Variants in LYST observed in about 807,000 individuals in gnomAD.
The protein encoded by LYST is lysosomal trafficking regulator.
A neutral mutation model predicts 413.6 loss-of-function variants in LYST; 192 were observed. The ratio of observed to expected loss-of-function variants is 0.46; its 90% CI spans 0.41 to 0.52. LYST has a LOEUF of 0.52. Ranked by LOEUF, LYST falls within the 20% of genes least tolerant of loss-of-function variation. The pLI is 0.00. For synonymous variants in LYST, 1,525 were observed against 1,567.3 expected, an observed-to-expected ratio of 0.97 and a Z score of 0.64; for missense variants, 3,815 against 4,499.9, an observed-to-expected ratio of 0.85 and a Z score of 4.35.
At position 235,661,066 on chromosome 1, in the gene LYST, T is replaced by C. The variant is rs1207504947; in HGVS notation, c.*1874A>G. 1 of 152,610 alleles carries C rather than the reference T, an allele frequency of 6.6e-6. No homozygotes were observed. Among genetic ancestry groups the C allele is most frequent in the Non-Finnish European group, 1.5e-5 (1 of 68,032 alleles). The allele number at this position is 152,610 out of a possible 1,614,324, so 9.5% of individuals were successfully genotyped here. On this transcript the variant is annotated 3_prime_UTR_variant, in exon 53 of 53. Coordinates refer to ENST00000389793, the MANE Select transcript of LYST (RefSeq NM_000081.4). ...TATTTTTATGAAATTTATTTCCAAA[T>C]TGAAGAGGCAGTGTATATAAAGGTA...
In LYST at chr1:235,806,085, A is replaced by G. The variant is rs1292942797; in HGVS notation, c.3051T>C (p.Ser1017=). The change falls in exon 6 of 53, where the codon AGT becomes AGC. Residue 1017 remains serine (S), a synonymous_variant. Coordinates refer to ENST00000389793, the MANE Select transcript of LYST (RefSeq NM_000081.4). ...TGTTTAAATCCTGGTTTTCATTTAC[A>G]CTTGTATCTCCCTCCTTTTTTCCTT... ...EEQGKKEGDT[S]VNENQDLNRI... 4 of 1,613,646 alleles carry G rather than the reference A, an allele frequency of 2.5e-6. No homozygotes were observed. The highest frequency in any genetic ancestry group is 2.2e-5 in the South Asian group (2 of 91,070).
At chr1:235,814,731 T>G (rs969767137) in intron 3 of LYST, among the ~76,000 whole-genome samples, 2 of 151,040 alleles carry the variant, frequency 1.3e-5, no homozygotes, top group African/African-American at 5.0e-5. Flanking sequence ...GACAGGACAT[T>G]CAGACTACTC....
intron 34 of LYST, among the ~76,000 whole-genome samples, chr1:235,733,216 C>T (rs1664530021): frequency 6.6e-6 from 1 of 151,632 alleles, no homozygotes; most frequent in South Asian, 2.1e-4. Context: ...TTTTCTCAAC[C>T]ATCCTGTTTC....
At chr1:235,799,391 A>G (rs1156302118) in intron 10 of LYST, among the ~76,000 whole-genome samples, 1 of 152,206 alleles carries the variant, frequency 6.6e-6, no homozygotes, top group Non-Finnish European at 1.5e-5. Flanking sequence ...GTAACTTTAC[A>G]ATAGAGAAAC....
At chr1:235,867,044 T>C (rs965462636), upstream of LYST, 1 of 149,632 alleles carries the variant, frequency 6.7e-6, no homozygotes, top group African/African-American at 2.4e-5. Flanking sequence ...GCCTCGCGCG[T>C]GTAAGCCCCG....
chr1:235,733,726 T>C (rs770777983), intron 33 of LYST, 35 bp from the exon 34 acceptor site: 13 of 1,550,582 alleles, frequency 8.4e-6, no homozygotes, highest in Admixed American at 5.0e-5. Flanking sequence ...TAGTTAAGCA[T>C]ACATGGAACG....
intron 36 of LYST, 132 bp downstream of exon 36, chr1:235,730,715 T>C: frequency 1.4e-6 from 1 of 707,274 alleles, no homozygotes; most frequent in Non-Finnish European, 2.5e-6. Context: ...TATAACCTTG[T>C]CCTCCCTTGA....
chr1:235,800,503 A>C (rs1029566030), intron 9 of LYST, 117 bp from the exon 10 acceptor site: 2 of 646,572 alleles, frequency 3.1e-6, no homozygotes, highest in Non-Finnish European at 5.5e-6. Context: ...ATATGTATTT[A>C]AAAATGACTA....
At chr1:235,798,173 ACT>A (rs1273908836) in intron 10 of LYST, among the ~76,000 whole-genome samples, 2 of 152,174 alleles carry the variant, frequency 1.3e-5, no homozygotes, top group African/African-American at 4.8e-5. Context: ...AGTCTGAGAA[ACT>A]GTTACAGTCA....
At chr1:235,822,521 A>G (rs1674861249) in intron 3 of LYST, among the ~76,000 whole-genome samples, 2 of 152,264 alleles carry the variant, frequency 1.3e-5, no homozygotes, top group Admixed American at 1.3e-4. Flanking sequence ...ACTACATGTG[A>G]AAGCCTCATG....
intron 10 of LYST, among the ~76,000 whole-genome samples, chr1:235,798,722 T>C (rs1572293780): frequency 6.6e-6 from 1 of 151,236 alleles, no homozygotes; most frequent in African/African-American, 2.4e-5. Context: ...GAAAGCATCA[T>C]GCTATGTGAA....
intron 50 of LYST, among the ~76,000 whole-genome samples, chr1:235,672,791 G>A (rs185129869): frequency 4.7e-4 from 72 of 152,138 alleles, no homozygotes; most frequent in Non-Finnish European, 3.8e-4. Context: ...GAAAGATATC[G>A]GCTTATCCCC....
At chr1:235,848,835 A>G (rs937782008) in intron 1 of LYST, among the ~76,000 whole-genome samples, 4 of 152,062 alleles carry the variant, frequency 2.6e-5, no homozygotes, top group Non-Finnish European at 5.9e-5. Flanking sequence ...AGGAAGAATG[A>G]GATACCCTGA....
chr1:235,685,850 CAAAACAAAAAAAAA>C lies in LYST; in HGVS notation c.10800+1085_10800+1098del, dbSNP rs1162062063. 5.8e-3 allele frequency among the ~76,000 whole-genome samples: 719 copies of C among 124,900 alleles called. 3 individuals carry two copies. The highest frequency in any genetic ancestry group is 9.5e-3 in the Non-Finnish European group (579 of 60,650). The allele number at this position is 124,900 out of a possible 152,430, so 81.9% of individuals were successfully genotyped here. On this transcript the variant is annotated intron_variant, in intron 48 of 52. Coordinates refer to ENST00000389793, the MANE Select transcript of LYST (RefSeq NM_000081.4). The stretch of plus-strand genomic sequence containing the variant: ...GACAGAGTGAGACTCTGTCTTAAAA[CAAAACAAAAAAAAA>C]AAAACAAACAAAAAAAGAAAACGAA...
chr1:235,756,049 CTA>C (rs1309919554), intron 24 of LYST, among the ~76,000 whole-genome samples: 3 of 133,910 alleles, frequency 2.2e-5, no homozygotes, highest in African/African-American at 8.2e-5. Context: ...ATATCTATAT[CTA>C]TATCTATATC....
intron 29 of LYST, among the ~76,000 whole-genome samples, chr1:235,744,823 C>T (rs922165270): frequency 2.0e-5 from 3 of 150,334 alleles, no homozygotes; most frequent in Non-Finnish European, 4.4e-5. Context: ...TTGCTTGAGC[C>T]CAGGAGGTAA....
intron 16 of LYST, 38 bp downstream of exon 16, chr1:235,780,827 T>A: frequency 1.2e-6 from 1 of 862,236 alleles, no homozygotes; most frequent in South Asian, 2.1e-5. Flanking sequence ...CCTAAATACA[T>A]TTACTATAAA....
intron 20 of LYST, among the ~76,000 whole-genome samples, chr1:235,768,445 C>T (rs2103406906): frequency 6.6e-6 from 1 of 152,146 alleles, no homozygotes; most frequent in East Asian, 1.9e-4. Flanking sequence ...ATTAATCTTC[C>T]TAAAGTGCAC....
intron 8 of LYST, among the ~76,000 whole-genome samples, chr1:235,801,408 C>A (rs1217167539): frequency 6.6e-6 from 1 of 150,594 alleles, no homozygotes; most frequent in African/African-American, 2.5e-5. Flanking sequence ...CCTATTCAAA[C>A]TTTCTGACCC....
Sources: gnomAD v4.1 joint callset for allele counts (sites outside exome capture counted in the v4.1 genomes callset) on GRCh38, gnomAD v4.1.1 for gene constraint, MANE v1.5 for transcripts, NCBI Gene and HGNC (gene_info 2026-07-23, HGNC 2026-07-21) for gene names.